Variants in FHIT observed in about 807,000 individuals in gnomAD.
The protein encoded by FHIT is bis(5'-adenosyl)-triphosphatase.
In FHIT, 19 loss-of-function variants were observed where a neutral mutation model predicts 17.9. That is an observed-to-expected ratio of 1.06 (90% confidence interval 0.74 to 1.56). The LOEUF (loss-of-function observed/expected upper bound fraction) is 1.56, where lower values mean the gene tolerates loss of function less well. FHIT is among the 40% of genes most tolerant of loss of function. The probability of loss-of-function intolerance (pLI) is 0.00; values close to 1 mark genes in which losing one functional copy is unlikely to be tolerated. For missense variants in FHIT, 248 were observed against 189.2 expected, an observed-to-expected ratio of 1.31 and a Z score of -1.82; for synonymous variants, 81 against 69.7, an observed-to-expected ratio of 1.16 and a Z score of -0.81.
chr3:60,861,845 G>A (rs1553752708), intron 3 of FHIT, among the ~76,000 whole-genome samples: 2 of 151,642 alleles, frequency 1.3e-5, no homozygotes, highest in African/African-American at 4.9e-5. Flanking sequence ...AGCTACTAGG[G>A]AGGCTGAGGC....
At chr3:59,960,964 C>T (rs2107344636) in intron 7 of FHIT, among the ~76,000 whole-genome samples, 1 of 152,302 alleles carries the variant, frequency 6.6e-6, no homozygotes, top group East Asian at 1.9e-4. Flanking sequence ...GAATAGTGCA[C>T]TCAAAAGGAC....
intron 2 of FHIT, among the ~76,000 whole-genome samples, chr3:61,062,934 A>C (rs1010153601): frequency 1.3e-5 from 2 of 152,088 alleles, no homozygotes; most frequent in African/African-American, 4.8e-5. Context: ...GCCTTGGAGG[A>C]CTAACTGATA....
chr3:60,894,505 C>G (rs782216083), intron 3 of FHIT, among the ~76,000 whole-genome samples: 1 of 152,034 alleles, frequency 6.6e-6, no homozygotes, highest in African/African-American at 2.4e-5. Flanking sequence ...TGATGTGAGA[C>G]GCACAGATAC....
chr3:60,322,769 G>A (rs1037690365), intron 5 of FHIT, among the ~76,000 whole-genome samples: 10 of 152,186 alleles, frequency 6.6e-5, no homozygotes, highest in African/African-American at 9.7e-5. Context: ...GATAAAGAAA[G>A]AGGTAGAGGA....
intron 3 of FHIT, among the ~76,000 whole-genome samples, chr3:60,887,310 T>C (rs963561343): frequency 6.6e-6 from 1 of 152,166 alleles, no homozygotes; most frequent in Admixed American, 6.5e-5. Flanking sequence ...ATATGCCTTT[T>C]CTCATTAGTT....
At chr3:60,099,807 T>C (rs1025872021) in intron 5 of FHIT, among the ~76,000 whole-genome samples, 9 of 152,204 alleles carry the variant, frequency 5.9e-5, no homozygotes, top group African/African-American at 2.2e-4. Flanking sequence ...CTCCATCATA[T>C]GTCATAGAGC....
intron 4 of FHIT, among the ~76,000 whole-genome samples, chr3:60,756,916 C>A (rs1699446531): frequency 1.3e-5 from 2 of 152,190 alleles, no homozygotes; most frequent in South Asian, 4.1e-4. Flanking sequence ...ATGTAATTAG[C>A]TCTGCTGTGA....
At chr3:60,075,377 C>A (rs1702959562) in intron 5 of FHIT, among the ~76,000 whole-genome samples, 1 of 152,044 alleles carries the variant, frequency 6.6e-6, no homozygotes, top group South Asian at 2.1e-4. Context: ...GACCAAGAGG[C>A]TCAAAAATAT....
At chr3:60,016,601 C>T (rs906029449) in intron 5 of FHIT, among the ~76,000 whole-genome samples, 3 of 152,168 alleles carry the variant, frequency 2.0e-5, no homozygotes, top group African/African-American at 7.2e-5. Flanking sequence ...AACTGTCATG[C>T]AGTGTAAACA....
At chr3:60,648,461 G>T (rs1553687375) in intron 4 of FHIT, among the ~76,000 whole-genome samples, 4 of 152,076 alleles carry the variant, frequency 2.6e-5, no homozygotes, top group African/African-American at 9.7e-5. Context: ...CTGGTCTAGT[G>T]TAGCAGGTGG....
chr3:59,962,381 AAATAC>A (rs1199589156), intron 7 of FHIT, among the ~76,000 whole-genome samples: 2 of 152,228 alleles, frequency 1.3e-5, no homozygotes, highest in Non-Finnish European at 2.9e-5. Context: ...AGCCAAAAGA[AAATAC>A]AATCTATTTA....
At chr3:59,761,755 C>G (rs1039626158) in intron 8 of FHIT, among the ~76,000 whole-genome samples, 2 of 151,866 alleles carry the variant, frequency 1.3e-5, no homozygotes, top group African/African-American at 4.8e-5. Flanking sequence ...TACGGGAGTG[C>G]ACCACCACAC....
At chr3:60,157,425 T>C (rs1156421892) in intron 5 of FHIT, among the ~76,000 whole-genome samples, 2 of 152,166 alleles carry the variant, frequency 1.3e-5, no homozygotes, top group Non-Finnish European at 2.9e-5. Context: ...AAATGAGAGT[T>C]TTGATTAGAT....
intron 2 of FHIT, among the ~76,000 whole-genome samples, chr3:61,189,678 A>G (rs1484293444): frequency 2.6e-5 from 4 of 152,228 alleles, no homozygotes; most frequent in African/African-American, 9.6e-5. Flanking sequence ...ACCTGACTTC[A>G]AACTATACTA....
At chr3:60,192,585 G>T (rs1215143123) in intron 5 of FHIT, among the ~76,000 whole-genome samples, 12 of 152,164 alleles carry the variant, frequency 7.9e-5, no homozygotes, top group Admixed American at 5.9e-4. Context: ...GCTCTCTACA[G>T]GGCATTCAGA....
At chr3:60,178,338 G>C (rs1576259670) in intron 5 of FHIT, among the ~76,000 whole-genome samples, 1 of 152,232 alleles carries the variant, frequency 6.6e-6, no homozygotes, top group African/African-American at 2.4e-5. Context: ...TGTAATCCCA[G>C]CACTTTGGGA....
chr3:60,470,018 CTCTG>C (rs1396370452), intron 5 of FHIT, among the ~76,000 whole-genome samples: 1 of 137,386 alleles, frequency 7.3e-6, no homozygotes, highest in Non-Finnish European at 1.5e-5. Flanking sequence ...TGAAATCTGT[CTCTG>C]TCTCTCTGTC....
chr3:60,141,925 T>A (rs373126540), intron 5 of FHIT, among the ~76,000 whole-genome samples: 1 of 152,184 alleles, frequency 6.6e-6, no homozygotes, highest in East Asian at 1.9e-4. Context: ...ACTGTAGTGA[T>A]TGGAACGCCA....
intron 4 of FHIT, among the ~76,000 whole-genome samples, chr3:60,767,633 C>T (rs9882068): frequency 0.56 from 84,635 of 152,064 alleles, 24,704 homozygotes; most frequent in African/African-American, 0.72. Flanking sequence ...TAACAAAATT[C>T]GGTGTCTTCA....
Sources: allele counts gnomAD v4.1 joint callset (sites outside exome capture counted in the v4.1 genomes callset), GRCh38; gene constraint gnomAD v4.1.1; transcripts MANE v1.5; gene names NCBI Gene and HGNC (gene_info 2026-07-23, HGNC 2026-07-21).